Variants in TBC1D22A observed in about 807,000 individuals in gnomAD.
TBC1D22A encodes putative GTPase activator.
TBC1D22A carries 38 observed loss-of-function variants against 60.2 expected under a neutral mutation model. The ratio of observed to expected loss-of-function variants is 0.63; its 90% CI spans 0.49 to 0.83. The LOEUF (loss-of-function observed/expected upper bound fraction) is 0.83, where lower values mean the gene tolerates loss of function less well. Among genes scored for constraint, TBC1D22A ranks in the 40% least tolerant of loss-of-function variants. The pLI, the probability that TBC1D22A is intolerant of heterozygous loss-of-function variation, is 0.00. For missense variants in TBC1D22A, 628 were observed against 701.0 expected (o/e 0.90, Z 1.18); for synonymous variants, 302 against 281.7 (o/e 1.07, Z -0.72).
chr22:47,152,211 T>A (rs560307305), intron 12 of TBC1D22A, among the ~76,000 whole-genome samples: 1 of 152,340 alleles, frequency 6.6e-6, no homozygotes, highest in African/African-American at 2.4e-5. Flanking sequence ...TGTCCTCAGG[T>A]TGGGTTGACC....
chr22:46,797,422 C>G (rs777035537), intron 3 of TBC1D22A, 22 bp from the exon 4 acceptor site: 1 of 1,611,760 alleles, frequency 6.2e-7, no homozygotes, highest in Middle Eastern at 2.2e-4. Context: ...TCACCCTCAC[C>G]CCCATTCTCT....
chr22:47,025,261 T>A (rs546809895), intron 10 of TBC1D22A, among the ~76,000 whole-genome samples: 1 of 152,348 alleles, frequency 6.6e-6, no homozygotes, highest in East Asian at 1.9e-4. Context: ...TTGACTTAAT[T>A]GATTTTTATA....
intron 11 of TBC1D22A, among the ~76,000 whole-genome samples, chr22:47,065,122 A>C (rs1256046305): frequency 6.6e-6 from 1 of 152,116 alleles, no homozygotes; most frequent in African/African-American, 2.4e-5. Flanking sequence ...CAGCCTCCCA[A>C]GTAGCTGGGA....
intron 12 of TBC1D22A, among the ~76,000 whole-genome samples, chr22:47,147,172 C>T (rs2067314118): frequency 1.3e-5 from 2 of 152,188 alleles, no homozygotes; most frequent in African/African-American, 4.8e-5. Flanking sequence ...ATCACGGGGC[C>T]AACAAGGAGA....
At chr22:46,999,673 G>T (rs942851426) in intron 10 of TBC1D22A, among the ~76,000 whole-genome samples, 2 of 152,034 alleles carry the variant, frequency 1.3e-5, no homozygotes, top group Non-Finnish European at 2.9e-5. Flanking sequence ...TGCAGGGATT[G>T]TAAAGATTTT....
At position 47,173,690 on chromosome 22, in the gene TBC1D22A, G is replaced by T; in HGVS notation, c.*64G>T. On this transcript the variant is annotated 3_prime_UTR_variant, in exon 13 of 13. Transcript: ENST00000337137. ...GGCGCGCCCCACCTGCCTGGCTGGT[G>T]GTAGGCCCCTGTGAGCTGGTCCCGG... 6.2e-7 allele frequency: 1 copy of T among 1,605,462 alleles called. No individual in the cohort carries two copies. The highest frequency in any genetic ancestry group is 8.5e-7 in the Non-Finnish European group (1 of 1,175,226).
intron 8 of TBC1D22A, among the ~76,000 whole-genome samples, chr22:46,955,567 A>G (rs1036388638): frequency 1.3e-5 from 2 of 152,234 alleles, no homozygotes; most frequent in African/African-American, 2.4e-5. Flanking sequence ...GGGAAGATTA[A>G]TAAATTAAAA....
chr22:47,033,392 C>T (rs778515658), intron 10 of TBC1D22A, among the ~76,000 whole-genome samples: 6 of 152,200 alleles, frequency 3.9e-5, no homozygotes, highest in African/African-American at 9.7e-5. Flanking sequence ...TAGAGGAGGA[C>T]GGCCAGGCTG....
chr22:46,889,348 ATAGT>A (rs1239026048), intron 5 of TBC1D22A, among the ~76,000 whole-genome samples: 6 of 152,228 alleles, frequency 3.9e-5, no homozygotes, highest in Non-Finnish European at 7.3e-5. Flanking sequence ...TGCATGGCTG[ATAGT>A]TAGATTCACA....
chr22:46,906,791 GTGTGTGTGTA>G (rs939066658), intron 7 of TBC1D22A, among the ~76,000 whole-genome samples: 3 of 147,780 alleles, frequency 2.0e-5, no homozygotes, highest in African/African-American at 8.0e-5. Context: ...GTGTGTGTGT[GTGTGTGTGTA>G]TGTGTGTGTG....
At chr22:47,122,823 C>T (rs148294046) in intron 12 of TBC1D22A, among the ~76,000 whole-genome samples, 1 of 152,332 alleles carries the variant, frequency 6.6e-6, no homozygotes, top group Admixed American at 6.5e-5. Context: ...AGGGTGTGCC[C>T]AGCCTCTCTG....
chr22:46,865,359 G>C (rs2067001084), intron 4 of TBC1D22A, among the ~76,000 whole-genome samples: 1 of 152,128 alleles, frequency 6.6e-6, no homozygotes, highest in African/African-American at 2.4e-5. Flanking sequence ...TACCTTACTT[G>C]GTTAGTTTTA....
Position 47,067,416 on chromosome 22 carries a change from C to T in TBC1D22A, c.1329+30218C>T, listed in dbSNP as rs545398552. On this transcript the variant is annotated intron_variant, in intron 11 of 12. Transcript: ENST00000337137. ...TCTATTCATCCCGGTAATGAAGGGG[C>T]GACTGCTCAGGAGAAAAGCCAGGGT... Among the ~76,000 whole-genome samples, 9 of 152,288 alleles carry T rather than the reference C, an allele frequency of 5.9e-5. No individual in the cohort carries two copies. In the East Asian group the frequency reaches 7.7e-4, roughly 13 times the overall value.
intron 11 of TBC1D22A, among the ~76,000 whole-genome samples, chr22:47,086,741 G>C (rs769623717): frequency 3.5e-4 from 53 of 152,196 alleles, no homozygotes; most frequent in Non-Finnish European, 6.8e-4. Flanking sequence ...GCCGGGAGGG[G>C]AGCACAGTGC....
chr22:46,778,565 C>CT (rs2083800808), intron 1 of TBC1D22A, among the ~76,000 whole-genome samples: 1 of 152,140 alleles, frequency 6.6e-6, no homozygotes, highest in African/African-American at 2.4e-5. Flanking sequence ...ACCTCCACAT[C>CT]TTGCCCCAGT....
intron 1 of TBC1D22A, among the ~76,000 whole-genome samples, chr22:46,773,439 T>C (rs2083572967): frequency 6.6e-6 from 1 of 152,186 alleles, no homozygotes; most frequent in Non-Finnish European, 1.5e-5. Flanking sequence ...GGATTGTCTG[T>C]GGAGTGCTTC....
chr22:46,765,532 C>A (rs1034428738), intron 1 of TBC1D22A, among the ~76,000 whole-genome samples: 2 of 152,012 alleles, frequency 1.3e-5, no homozygotes, highest in Admixed American at 6.6e-5. Flanking sequence ...GTGGTGTGAT[C>A]TTGGCTCACT....
intron 11 of TBC1D22A, among the ~76,000 whole-genome samples, chr22:47,107,686 T>C (rs1232872865): frequency 6.6e-6 from 1 of 152,198 alleles, no homozygotes; most frequent in Non-Finnish European, 1.5e-5. Context: ...CTGTAAAAAT[T>C]GACAAAACAG....
intron 12 of TBC1D22A, among the ~76,000 whole-genome samples, chr22:47,169,300 C>T (rs1429254830): frequency 1.3e-5 from 2 of 152,202 alleles, no homozygotes; most frequent in African/African-American, 4.8e-5. Context: ...GTGAGCAACT[C>T]TGTCCACTCT....
Sources: allele counts gnomAD v4.1 joint callset (sites outside exome capture counted in the v4.1 genomes callset), GRCh38; gene constraint gnomAD v4.1.1; transcripts MANE v1.5; gene names NCBI Gene and HGNC (gene_info 2026-07-23, HGNC 2026-07-21).